The following NLRP8 variants were observed in gnomAD, a reference collection of about 807,000 sequenced individuals.
NLRP8 encodes NLR family pyrin domain containing 8.
In NLRP8, 86 loss-of-function variants were observed where a neutral mutation model predicts 88.7. That is an observed-to-expected ratio of 0.97 (90% CI 0.81 to 1.16). The LOEUF is 1.16. Ranked by LOEUF, NLRP8 falls within the 50% of genes most tolerant of loss-of-function variation. The pLI is 0.00. For synonymous variants in NLRP8, 504 were observed against 494.6 expected (o/e 1.02, Z -0.25); for missense variants, 1,342 against 1,286.5 (o/e 1.04, Z -0.66).
At chr19:55,970,442 T>C in intron 5 of NLRP8, 102 bp from the exon 6 acceptor site, 3 of 1,330,726 alleles carry the variant, frequency 2.3e-6, no homozygotes, top group Non-Finnish European at 3.1e-6. Flanking sequence ...CCCCCGAGTC[T>C]CTGCTGTGAA....
intron 1 of NLRP8, among the ~76,000 whole-genome samples, chr19:55,949,426 C>A (rs746708906): frequency 1.3e-5 from 2 of 151,930 alleles, no homozygotes; most frequent in African/African-American, 4.8e-5. Flanking sequence ...TTAGTAGAAA[C>A]GGGGTTTCAC....
At position 55,955,361 on chromosome 19, in the gene NLRP8, T is replaced by C; in HGVS notation, c.1303T>C (p.Phe435Leu). The C allele has an allele frequency of 6.2e-7, 1 of 1,614,192 alleles. No homozygotes were observed. Among genetic ancestry groups the C allele is most frequent in the East Asian group, 2.2e-5 (1 of 44,874 alleles). Residue 435 changes from phenylalanine (F) to leucine (L), a missense_variant, in exon 3 of 10, where the codon TTT (phenylalanine) becomes CTT (leucine). Coordinates refer to ENST00000291971, the MANE Select transcript of NLRP8 (RefSeq NM_176811.2). ...GTTCGTCCGGTATATTTCTAGCTTG[T>C]TTCCCACCAGAGCTGAGAACTTTTC...
chr19:55,973,995 T>C (rs1326799787), intron 7 of NLRP8, among the ~76,000 whole-genome samples, 173 bp downstream of exon 7: 1 of 152,152 alleles, frequency 6.6e-6, no homozygotes, highest in African/African-American at 2.4e-5. Flanking sequence ...TTATTTCTGA[T>C]TCAGGGACAA....
Position 55,980,585 on chromosome 19 carries a change from G to A in NLRP8, c.3047+1021G>A, listed in dbSNP as rs371379846. Among the ~76,000 whole-genome samples, 459 of 151,680 alleles carry A rather than the reference G, an allele frequency of 3.0e-3. 2 individuals are homozygous for A. The highest frequency in any genetic ancestry group is 1.0e-2 in the African/African-American group (409 of 41,040). ...CAGGCTCACTTGTGTGGCTGTGGGC[G>A]GCGGGGGGGCCTCAGTTGTTCTCCA... is the stretch of plus-strand genomic sequence containing the variant. On this transcript the variant is annotated intron_variant, in intron 9 of 9. Coordinates refer to ENST00000291971, the MANE Select transcript of NLRP8 (RefSeq NM_176811.2).
At chr19:55,959,034 A>G (rs1232080838) in intron 3 of NLRP8, among the ~76,000 whole-genome samples, 1 of 150,228 alleles carries the variant, frequency 6.7e-6, no homozygotes, top group African/African-American at 2.5e-5. Context: ...GCCCGCCAAC[A>G]CGCCAAGCTA....
In NLRP8 at chr19:55,988,400, G is replaced by C. The variant is rs575548817; in HGVS notation, c.*487G>C. The C allele has an allele frequency of 4.3e-5, 4 of 92,604 alleles. No homozygotes were observed. In the South Asian group the frequency reaches 1.4e-3, roughly 32 times the overall value. 5.7% of individuals were successfully genotyped at this position (92,604 alleles called of 1,614,324 possible). On this transcript the variant is annotated 3_prime_UTR_variant, in exon 10 of 10. Coordinates refer to ENST00000291971, the MANE Select transcript of NLRP8 (RefSeq NM_176811.2). ...ACAGAGCAAGACTCTGTCTCAAGAA[G>C]AAAAAAAAAATACATATACACATAA... is the stretch of plus-strand genomic sequence containing the variant.
intron 5 of NLRP8, among the ~76,000 whole-genome samples, chr19:55,967,069 C>G (rs306495): frequency 6.6e-6 from 1 of 152,006 alleles, no homozygotes; most frequent in Admixed American, 6.6e-5. Context: ...CTTTGTATTA[C>G]AAACAATTGA....
Position 55,954,951 on chromosome 19 carries a change from G to T in NLRP8, c.893G>T (p.Arg298Ile). Reference sequence around the variant, plus strand: ...GAGCTCACATCTACCCTCATTGACAGACTGGAGGACCTGAGTGAAGACTGG... The same window carrying T: ...GAGCTCACATCTACCCTCATTGACATACTGGAGGACCTGAGTGAAGACTGG... Residue 298 changes from arginine (R) to isoleucine (I), a missense_variant, in exon 3 of 10, where the codon AGA becomes ATA. By Grantham distance (97) the Arg-to-Ile change is moderately conservative. Transcript: ENST00000291971. 1.2e-6 allele frequency: 2 copies of T among 1,614,158 alleles called. No individual in the cohort carries two copies. The highest frequency in any genetic ancestry group is 1.7e-6 in the Non-Finnish European group (2 of 1,180,036).
chr19:55,951,823 C>T (rs989926737), intron 1 of NLRP8, among the ~76,000 whole-genome samples: 1 of 152,160 alleles, frequency 6.6e-6, no homozygotes, highest in Non-Finnish European at 1.5e-5. Context: ...GATCATGGCT[C>T]CCTTCAGCCT....
In NLRP8 at chr19:55,947,966, T is replaced by C; in HGVS notation, c.64T>C (p.Ser22Pro). 6.2e-7 allele frequency: 1 copy of C among 1,614,064 alleles called. No individual in the cohort carries two copies. The highest frequency in any genetic ancestry group is 8.5e-7 in the Non-Finnish European group (1 of 1,180,004). The stretch of plus-strand genomic sequence containing the variant: ...CTTTTCATCCTCCTCCACTCACAGT[T>C]CTCATATTCCGCCCTGGACATTCTC... Residue 22 changes from serine to proline, a missense_variant, in exon 1 of 10, where the codon TCT (serine) becomes CCT (proline). Physicochemically the swap from Ser to Pro is moderately conservative, Grantham distance 74. Coordinates refer to ENST00000291971, the MANE Select transcript of NLRP8 (RefSeq NM_176811.2).
At chr19:55,948,756 A>T (rs1978966574) in intron 1 of NLRP8, among the ~76,000 whole-genome samples, 1 of 152,128 alleles carries the variant, frequency 6.6e-6, no homozygotes, top group Non-Finnish European at 1.5e-5. Flanking sequence ...CCTATTTTTT[A>T]AAAACTTAAC....
rs375197874 is a variant in NLRP8 at position 55,987,917 on chromosome 19, G to T, written c.*4G>T. On this transcript the variant is annotated 3_prime_UTR_variant, in exon 10 of 10. Coordinates refer to ENST00000291971, the MANE Select transcript of NLRP8 (RefSeq NM_176811.2). Reference sequence around the variant, plus strand: ...CCTATCCCAGATTAATCCTTAGGCCGTCCAGTCATCTTTCTCTGGGGCTTG... The same window carrying T: ...CCTATCCCAGATTAATCCTTAGGCCTTCCAGTCATCTTTCTCTGGGGCTTG... 9 of 1,601,176 alleles carry T rather than the reference G, an allele frequency of 5.6e-6. No individual in the cohort carries two copies. The highest frequency in any genetic ancestry group is 7.7e-6 in the Non-Finnish European group (9 of 1,168,576).
rs997636928 is a variant in NLRP8, at chr19:55,988,050, C to T, written c.*137C>T. On this transcript the variant is annotated 3_prime_UTR_variant, in exon 10 of 10. Transcript: ENST00000291971. ...AGCAACCCAGTCAACACCACAGAACCTCAGCTTTGAACCCTGGAGTGAGGA... is the reference window on the plus strand; with the variant it reads ...AGCAACCCAGTCAACACCACAGAACTTCAGCTTTGAACCCTGGAGTGAGGA... The T allele has an allele frequency of 4.5e-6, 3 of 665,308 alleles. No homozygotes were observed. The East Asian group carries it at 8.4e-5, about 19-fold the overall frequency. The allele number at this position is 665,308 out of a possible 1,614,324, so 41.2% of individuals were successfully genotyped here.
chr19:55,965,818 C>A (rs947469273), intron 4 of NLRP8, among the ~76,000 whole-genome samples: 11 of 148,942 alleles, frequency 7.4e-5, no homozygotes, highest in East Asian at 4.0e-4. Flanking sequence ...CCCCCACCCC[C>A]CCAGAGGCCC....
intron 5 of NLRP8, among the ~76,000 whole-genome samples, chr19:55,968,486 A>T (rs1979939822): frequency 6.6e-6 from 1 of 151,436 alleles, no homozygotes; most frequent in African/African-American, 2.4e-5. Context: ...CACGCCTGTA[A>T]TCCCAACACT....
intron 3 of NLRP8, among the ~76,000 whole-genome samples, chr19:55,957,215 G>A (rs1259268662): frequency 6.6e-6 from 1 of 152,134 alleles, no homozygotes; most frequent in African/African-American, 2.4e-5. Flanking sequence ...CTGGCCACAG[G>A]CAACCACTGA....
At chr19:55,972,599 G>C (rs1980125513) in intron 6 of NLRP8, among the ~76,000 whole-genome samples, 1 of 151,146 alleles carries the variant, frequency 6.6e-6, no homozygotes, top group Non-Finnish European at 1.5e-5. Context: ...TTTCCCCCAA[G>C]TCCCCAAAGT....
chr19:55,952,154 C>T (rs113366995), intron 1 of NLRP8, among the ~76,000 whole-genome samples: 327 of 152,220 alleles, frequency 2.1e-3, no homozygotes, highest in African/African-American at 6.0e-3. Context: ...GTAGATCCCA[C>T]GGTAATGAAA....
chr19:55,953,421 C>T (rs1979183628), intron 2 of NLRP8, among the ~76,000 whole-genome samples: 1 of 152,174 alleles, frequency 6.6e-6, no homozygotes, highest in Non-Finnish European at 1.5e-5. Context: ...CCCCCGCCAC[C>T]TGGTCCATGG....
Sources: gnomAD v4.1 joint callset for allele counts (sites outside exome capture counted in the v4.1 genomes callset) on GRCh38, gnomAD v4.1.1 for gene constraint, MANE v1.5 for transcripts, NCBI Gene and HGNC (gene_info 2026-07-23, HGNC 2026-07-21) for gene names.